ELMO1: variants seen among roughly 807,000 people sequenced by gnomAD.
ELMO1 encodes engulfment and cell motility protein 1.
In ELMO1, 26 loss-of-function variants were observed where a neutral mutation model predicts 98.9. The ratio of observed to expected loss-of-function variants is 0.26; its 90% CI spans 0.19 to 0.36. The LOEUF (loss-of-function observed/expected upper bound fraction) is 0.36. Among genes scored for constraint, ELMO1 ranks in the 10% least tolerant of loss-of-function variants. ELMO1 has a pLI of 1.00. For missense variants in ELMO1, 627 were observed against 935.2 expected, an observed-to-expected ratio of 0.67 and a Z score of 4.30; for synonymous variants, 346 against 346.0, an observed-to-expected ratio of 1.00 and a Z score of 0.00.
chr7:37,104,430 C>A (rs1329836936), intron 14 of ELMO1, among the ~76,000 whole-genome samples: 1 of 152,034 alleles, frequency 6.6e-6, no homozygotes, highest in East Asian at 1.9e-4. Flanking sequence ...TGAGGTGGAA[C>A]CCACAAAAAT....
intron 15 of ELMO1, among the ~76,000 whole-genome samples, chr7:37,014,262 T>C (rs777905923): frequency 3.3e-4 from 50 of 152,126 alleles, no homozygotes; most frequent in Admixed American, 1.3e-3. Flanking sequence ...TCATTTGATC[T>C]TTACAGTTCC....
intron 19 of ELMO1, among the ~76,000 whole-genome samples, chr7:36,874,914 C>T (rs1803822504): frequency 6.6e-6 from 1 of 152,190 alleles, no homozygotes; most frequent in African/African-American, 2.4e-5. Flanking sequence ...TTTCCTAAAG[C>T]TTTGGAGAAG....
intron 7 of ELMO1, among the ~76,000 whole-genome samples, chr7:37,241,134 A>T (rs1423898353): frequency 6.6e-6 from 1 of 152,054 alleles, no homozygotes; most frequent in Non-Finnish European, 1.5e-5. Context: ...TTAAAACTTT[A>T]TTATACACAT....
chr7:37,163,540 G>C (rs929816745), intron 13 of ELMO1, among the ~76,000 whole-genome samples: 5 of 13,016 alleles, frequency 3.8e-4, no homozygotes, highest in African/African-American at 4.5e-4. Context: ...TCCCCTTCCT[G>C]TGTCCATTGA....
chr7:37,293,090 G>A (rs1436653748), intron 4 of ELMO1, among the ~76,000 whole-genome samples: 1 of 14,456 alleles, frequency 6.9e-5, no homozygotes, highest in African/African-American at 8.3e-5. Flanking sequence ...CCGGGAGGGA[G>A]GTGGGGGGGG....
At chr7:37,186,535 C>T (rs1791218587) in intron 13 of ELMO1, among the ~76,000 whole-genome samples, 1 of 152,146 alleles carries the variant, frequency 6.6e-6, no homozygotes, top group Non-Finnish European at 1.5e-5. Flanking sequence ...AGGCAATCCA[C>T]AGAATGTGAG....
At chr7:36,899,700 T>TTTTTTTTTTTTTTTTTTTTTA (rs60221089) in intron 16 of ELMO1, among the ~76,000 whole-genome samples, 1 of 143,540 alleles carries the variant, frequency 7.0e-6, no homozygotes, top group African/African-American at 2.7e-5. Context: ...TTTTTTTTTT[T>TTTTTTTTTTTTTTTTTTTTTA]ACCACTCCTA....
intron 16 of ELMO1, among the ~76,000 whole-genome samples, chr7:36,953,381 AT>A (rs1788155323): frequency 6.6e-6 from 1 of 152,164 alleles, no homozygotes; most frequent in Non-Finnish European, 1.5e-5. Context: ...AAAAGCCCCA[AT>A]TTTTACAACC....
rs77239720 is a variant in ELMO1, at chr7:36,922,249, C to A, written c.1438-27232G>T. Among the ~76,000 whole-genome samples the A allele has an allele frequency of 7.6e-4, 115 of 151,116 alleles. 2 individuals carry two copies. In the East Asian group the frequency reaches 0.011, roughly 14 times the overall value. Reference sequence around the variant, plus strand: ...TTACTAAGACTATATTTTCTCTCAACCTCAAAATTCACAAAAGCTCATGAA... The same window carrying A: ...TTACTAAGACTATATTTTCTCTCAAACTCAAAATTCACAAAAGCTCATGAA... On this transcript the variant is annotated intron_variant, in intron 16 of 21. Transcript: ENST00000310758.
At chr7:36,859,338 T>G (rs1223780838) in intron 21 of ELMO1, among the ~76,000 whole-genome samples, 2 of 152,220 alleles carry the variant, frequency 1.3e-5, no homozygotes, top group African/African-American at 4.8e-5. Context: ...AAATTGAGTC[T>G]TTATTGTTGG....
chr7:37,007,603 C>T (rs1793233767), intron 16 of ELMO1, among the ~76,000 whole-genome samples: 1 of 152,198 alleles, frequency 6.6e-6, no homozygotes, highest in African/African-American at 2.4e-5. Flanking sequence ...AGTAAGGAGA[C>T]TCCTGAATAT....
intron 18 of ELMO1, among the ~76,000 whole-genome samples, chr7:36,884,314 C>CAA (rs59762953): frequency 0.17 from 21,995 of 127,558 alleles, 1,733 homozygotes; most frequent in Middle Eastern, 0.24. Flanking sequence ...GAGACTGTCT[C>CAA]AAAAAAAAAA....
chr7:36,868,152 G>GT (rs1358535368), intron 20 of ELMO1, among the ~76,000 whole-genome samples: 1 of 152,016 alleles, frequency 6.6e-6, no homozygotes, highest in Admixed American at 6.6e-5. Context: ...TCTCCTTTCT[G>GT]TTCTATCAGT....
intron 13 of ELMO1, among the ~76,000 whole-genome samples, chr7:37,191,955 A>C (rs2130168920): frequency 6.6e-6 from 1 of 152,322 alleles, no homozygotes; most frequent in African/African-American, 2.4e-5. Flanking sequence ...TCTGCACGTG[A>C]TGTTTATCCA....
At chr7:37,218,265 G>A (rs1025400110) in intron 10 of ELMO1, among the ~76,000 whole-genome samples, 1 of 151,630 alleles carries the variant, frequency 6.6e-6, no homozygotes, top group African/African-American at 2.4e-5. Context: ...AAGTTAGAAG[G>A]GACAATGTAT....
chr7:37,190,556 A>G (rs1036739590), intron 13 of ELMO1, among the ~76,000 whole-genome samples: 2 of 152,122 alleles, frequency 1.3e-5, no homozygotes, highest in African/African-American at 4.8e-5. Context: ...AGAGTGCCAT[A>G]GCGTGATCTT....
At chr7:36,968,409 T>C (rs550254271) in intron 16 of ELMO1, among the ~76,000 whole-genome samples, 2 of 152,242 alleles carry the variant, frequency 1.3e-5, no homozygotes, top group Non-Finnish European at 2.9e-5. Flanking sequence ...TGGCAAAGTA[T>C]GACACTTTGC....
Position 37,231,559 on chromosome 7 carries a change from T to C in ELMO1, c.549+1536A>G, listed in dbSNP as rs559655307. Reference sequence around the variant, plus strand: ...GACAAATCCAAATTGAGGAACATTATACAAAATAACTGACTGTTAACTTTC... The same window carrying C: ...GACAAATCCAAATTGAGGAACATTACACAAAATAACTGACTGTTAACTTTC... On this transcript the variant is annotated intron_variant, in intron 8 of 21. Transcript: ENST00000310758. Among the ~76,000 whole-genome samples, 7 of 152,270 alleles carry C rather than the reference T, an allele frequency of 4.6e-5. No homozygotes were observed. The East Asian group carries it at 1.2e-3, about 25-fold the overall frequency.
intron 4 of ELMO1, among the ~76,000 whole-genome samples, chr7:37,281,634 G>C (rs1298047712): frequency 6.6e-6 from 1 of 152,174 alleles, no homozygotes; most frequent in Non-Finnish European, 1.5e-5. Flanking sequence ...TGAATCAGGG[G>C]CCTGGTTTGC....
Sources: allele counts gnomAD v4.1 joint callset (sites outside exome capture counted in the v4.1 genomes callset), GRCh38; gene constraint gnomAD v4.1.1; transcripts MANE v1.5; gene names NCBI Gene and HGNC (gene_info 2026-07-23, HGNC 2026-07-21).